Variants in ERICH1 observed in about 807,000 individuals in gnomAD.
ERICH1 encodes the protein glutamate rich 1, also known as glutamate-rich protein 1.
Under a neutral mutation model 39.6 loss-of-function variants are expected in ERICH1, and 56 were observed. The observed-to-expected ratio is 1.41, with a 90% CI of 1.14 to 1.77. The LOEUF is 1.77. ERICH1 is among the 40% of genes most tolerant of loss of function. The pLI, the probability that ERICH1 is intolerant of heterozygous loss-of-function variation, is 0.00. For missense variants in ERICH1, 826 were observed against 575.4 expected, an observed-to-expected ratio of 1.44 and a Z score of -4.45; for synonymous variants, 313 against 223.6, an observed-to-expected ratio of 1.40 and a Z score of -3.57.
chr8:615,245 C>A, exon 4 of ERICH1: 1 of 697,338 alleles, frequency 1.4e-6, no homozygotes, highest in Non-Finnish European at 2.6e-6. Context: ...CTCTCTCTTT[C>A]CTCTTCTTAT....
chr8:717,298 G>C (rs1486886666), intron 1 of ERICH1, among the ~76,000 whole-genome samples: 1 of 152,208 alleles, frequency 6.6e-6, no homozygotes, highest in East Asian at 1.9e-4. Context: ...ATGCAGAAGT[G>C]CACTAGCACA....
rs1367781537 is a variant in ERICH1, at chr8:731,180, C to G, written c.-19G>C. The G allele has an allele frequency of 6.7e-7, 1 of 1,500,410 alleles. No homozygotes were observed. The allele number at this position is 1,500,410 out of a possible 1,614,324, so 92.9% of individuals were successfully genotyped here. ...CCGCCATGCGGGACCCTGCCGCGGA[C>G]CTCAGACCACGGCGCGCGGTCCTGA... is the stretch of plus-strand genomic sequence containing the variant. On this transcript the variant is annotated 5_prime_UTR_variant, in exon 1 of 6. Coordinates refer to ENST00000262109, the MANE Select transcript of ERICH1 (RefSeq NM_207332.3).
At chr8:730,170 A>T (rs1271404605) in intron 1 of ERICH1, among the ~76,000 whole-genome samples, 3 of 152,190 alleles carry the variant, frequency 2.0e-5, no homozygotes, top group African/African-American at 7.2e-5. Context: ...AAAAACTCTT[A>T]GGTCATTTTT....
rs201580294 is a variant in ERICH1, at chr8:616,962, C to G, written c.977-1678G>C. On this transcript the variant is annotated intron_variant, in intron 3 of 3. Transcript: ENST00000522706. ...AGAGAGGGAGAGGGAGACAGAGACACACAGAGAGAGAGAGAGAGAGACATT... is the reference window on the plus strand; with the variant it reads ...AGAGAGGGAGAGGGAGACAGAGACAGACAGAGAGAGAGAGAGAGAGACATT... Among the ~76,000 whole-genome samples, 34 of 9,866 alleles carry G rather than the reference C, an allele frequency of 3.4e-3. 11 individuals carry two copies. The African/African-American group carries it at 0.036, about 10-fold the overall frequency. The allele number at this position is 9,866 out of a possible 152,430, so 6.5% of individuals were successfully genotyped here. A position where few individuals can be genotyped will look rare whatever the true frequency, so the allele number is the denominator to read the frequency against.
At chr8:663,758 GTT>G (rs5888809), downstream of ERICH1, among the ~76,000 whole-genome samples, 3 of 145,676 alleles carry the variant, frequency 2.1e-5, no homozygotes, top group African/African-American at 2.5e-5. Context: ...TTGACTGATG[GTT>G]TTTTTTTTTT....
chr8:710,322 T>C (rs1201376964), intron 2 of ERICH1, among the ~76,000 whole-genome samples: 1 of 150,306 alleles, frequency 6.7e-6, no homozygotes, highest in African/African-American at 2.5e-5. Context: ...GTCCTGCAAG[T>C]CCTCTGGGCT....
intron 3 of ERICH1, chr8:627,003 C>T (rs1797625654): frequency 4.8e-6 from 2 of 416,506 alleles, no homozygotes; most frequent in Non-Finnish European, 9.8e-6. Context: ...TGGTACTCAC[C>T]AAGCTCTCGT....
At chr8:673,183 T>C (rs1026913614) in intron 4 of ERICH1, 106 bp downstream of exon 4, 1 of 1,316,400 alleles carries the variant, frequency 7.6e-7, no homozygotes, top group Non-Finnish European at 1.0e-6. Flanking sequence ...TATTTTACAT[T>C]GAATATTTTT....
intron 2 of ERICH1, among the ~76,000 whole-genome samples, chr8:713,043 A>T (rs1306334510): frequency 6.6e-6 from 1 of 152,222 alleles, no homozygotes; most frequent in African/African-American, 2.4e-5. Context: ...TAGTCTCAGC[A>T]GGGCTGGCTT....
chr8:681,104 G>C (rs1806016918), intron 3 of ERICH1, among the ~76,000 whole-genome samples: 1 of 152,144 alleles, frequency 6.6e-6, no homozygotes, highest in African/African-American at 2.4e-5. Context: ...GATGCATTTG[G>C]CAGGCTCTGC....
At chr8:688,146 G>A (rs1052469218) in intron 3 of ERICH1, among the ~76,000 whole-genome samples, 2 of 152,178 alleles carry the variant, frequency 1.3e-5, no homozygotes, top group African/African-American at 2.4e-5. Context: ...AACCCAGGCG[G>A]GGCAAGTGCG....
chr8:711,021 G>T (rs1432299650), intron 2 of ERICH1, among the ~76,000 whole-genome samples: 1 of 152,136 alleles, frequency 6.6e-6, no homozygotes, highest in Non-Finnish European at 1.5e-5. Flanking sequence ...CCAGCATTTG[G>T]TGTTGTTAGT....
chr8:698,722 C>T (rs1311948653), intron 2 of ERICH1, among the ~76,000 whole-genome samples: 1 of 152,174 alleles, frequency 6.6e-6, no homozygotes, highest in Non-Finnish European at 1.5e-5. Context: ...AAGCAATCCT[C>T]CCTCCTTGGC....
chr8:625,006 G>A (rs1584943387), intron 3 of ERICH1, among the ~76,000 whole-genome samples: 2 of 152,090 alleles, frequency 1.3e-5, no homozygotes, highest in Admixed American at 1.3e-4. Context: ...GATTACAGGC[G>A]TGAGCCACTG....
downstream of ERICH1, among the ~76,000 whole-genome samples, chr8:660,626 G>C (rs758667354): frequency 1.6e-4 from 24 of 152,240 alleles, no homozygotes; most frequent in Admixed American, 3.3e-4. Context: ...CACTATGCCT[G>C]TGGTCATTTG....
chr8:705,057 G>A (rs577253579), intron 2 of ERICH1, among the ~76,000 whole-genome samples: 4 of 152,222 alleles, frequency 2.6e-5, no homozygotes, highest in Admixed American at 6.5e-5. Flanking sequence ...CTTATCTTTG[G>A]GACAAATGGA....
chr8:629,517 G>A (rs61118150), intron 3 of ERICH1, among the ~76,000 whole-genome samples: 117 of 136,234 alleles, frequency 8.6e-4, no homozygotes, highest in Middle Eastern at 4.4e-3. Flanking sequence ...CACCCACAGA[G>A]ACAGAGCTGA....
At chr8:665,108 T>C (rs996291590) in intron 5 of ERICH1, among the ~76,000 whole-genome samples, 2 of 152,164 alleles carry the variant, frequency 1.3e-5, no homozygotes, top group Non-Finnish European at 2.9e-5. Context: ...CACAGGACCA[T>C]GTGGTGCCTA....
At chr8:632,017 C>T (rs1218596408) in intron 3 of ERICH1, among the ~76,000 whole-genome samples, 1 of 152,130 alleles carries the variant, frequency 6.6e-6, no homozygotes, top group African/African-American at 2.4e-5. Context: ...ACTCCCAAAG[C>T]ACCACAGCCG....
Sources: allele counts gnomAD v4.1 joint callset (sites outside exome capture counted in the v4.1 genomes callset), GRCh38; gene constraint gnomAD v4.1.1; transcripts MANE v1.5; gene names NCBI Gene and HGNC (gene_info 2026-07-23, HGNC 2026-07-21).